The following EXOC6B variants were observed in gnomAD, a reference collection of about 807,000 sequenced individuals.
EXOC6B encodes the protein exocyst complex component 6B.
EXOC6B carries 54 observed loss-of-function variants against 113.5 expected under a neutral mutation model. The ratio of observed to expected loss-of-function variants is 0.48; its 90% CI spans 0.38 to 0.60. The LOEUF (loss-of-function observed/expected upper bound fraction) is 0.60. Among genes scored for constraint, EXOC6B ranks in the 20% least tolerant of loss-of-function variants. The probability of loss-of-function intolerance (pLI) is 0.00; values close to 1 mark genes in which losing one functional copy is unlikely to be tolerated. For missense variants in EXOC6B, 797 were observed against 977.5 expected (o/e 0.82, Z 2.46); for synonymous variants, 357 against 339.0 (o/e 1.05, Z -0.58).
At chr2:72,421,559 A>G (rs2105262579) in intron 18 of EXOC6B, among the ~76,000 whole-genome samples, 2 of 152,366 alleles carry the variant, frequency 1.3e-5, no homozygotes, top group South Asian at 4.1e-4. Context: ...TGAAAAGATT[A>G]TTTGATGACA....
intron 3 of EXOC6B, among the ~76,000 whole-genome samples, chr2:72,731,826 C>A (rs1465069713): frequency 6.6e-6 from 1 of 152,092 alleles, no homozygotes; most frequent in Non-Finnish European, 1.5e-5. Flanking sequence ...GGTCCTAAGT[C>A]ACTGATAAAA....
intron 2 of EXOC6B, among the ~76,000 whole-genome samples, chr2:72,733,440 G>C (rs887593127): frequency 1.3e-5 from 2 of 152,108 alleles, no homozygotes; most frequent in Admixed American, 6.5e-5. Flanking sequence ...AAATAAAATA[G>C]AAAGTACAAA....
chr2:72,199,744 C>T (rs780929358), intron 20 of EXOC6B, among the ~76,000 whole-genome samples: 1 of 152,046 alleles, frequency 6.6e-6, no homozygotes, highest in Admixed American at 6.6e-5. Flanking sequence ...AATTTTTGCC[C>T]GAATTCTGCC....
At chr2:72,344,918 G>C (rs1572944325) in intron 19 of EXOC6B, among the ~76,000 whole-genome samples, 1 of 151,974 alleles carries the variant, frequency 6.6e-6, no homozygotes, top group African/African-American at 2.4e-5. Context: ...AAACAAAAAA[G>C]AATGGTCGCC....
intron 18 of EXOC6B, among the ~76,000 whole-genome samples, chr2:72,412,956 CTCTT>C (rs147799343): frequency 4.6e-4 from 70 of 151,508 alleles, no homozygotes; most frequent in Middle Eastern, 3.4e-3. Context: ...CTCTCCCTCT[CTCTT>C]TCTTTCTTTC....
intron 20 of EXOC6B, among the ~76,000 whole-genome samples, chr2:72,293,335 A>G (rs933681969): frequency 6.6e-6 from 1 of 152,140 alleles, no homozygotes; most frequent in African/African-American, 2.4e-5. Flanking sequence ...ATATAGTAGA[A>G]GAATGGAGAC....
intron 11 of EXOC6B, among the ~76,000 whole-genome samples, chr2:72,506,209 A>T (rs1471880048): frequency 6.6e-6 from 1 of 152,142 alleles, no homozygotes; most frequent in Non-Finnish European, 1.5e-5. Context: ...ACGCAAAAAA[A>T]ATTAAGATGA....
At chr2:72,599,920 T>G (rs1009818081) in intron 6 of EXOC6B, among the ~76,000 whole-genome samples, 87 of 151,890 alleles carry the variant, frequency 5.7e-4, no homozygotes, top group African/African-American at 2.0e-3. Flanking sequence ...TGAAGAGGTA[T>G]TCCATGTTCA....
Position 72,255,646 on chromosome 2 carries a change from C to CT in EXOC6B, c.2197-71460dup, listed in dbSNP as rs892109122. 1.2e-4 allele frequency among the ~76,000 whole-genome samples: 18 copies of CT among 152,288 alleles called. 1 individual carries two copies. The highest frequency in any genetic ancestry group is 4.3e-4 in the African/African-American group (18 of 41,576). On this transcript the variant is annotated intron_variant, in intron 20 of 21. Transcript: ENST00000272427. ...ACTGTATTTTGGAAACAGATCATTT[C>CT]TTTTCTAAGTTCATAGTTCCACAGG...
At chr2:72,401,256 GT>G (rs1412432790) in intron 18 of EXOC6B, among the ~76,000 whole-genome samples, 1 of 150,796 alleles carries the variant, frequency 6.6e-6, no homozygotes, top group Non-Finnish European at 1.5e-5. Flanking sequence ...GAGGTCAGGA[GT>G]TTAAGACCAG....
intron 1 of EXOC6B, among the ~76,000 whole-genome samples, chr2:72,800,058 G>A (rs1489448857): frequency 8.6e-5 from 13 of 151,268 alleles, no homozygotes; most frequent in East Asian, 5.8e-4. Context: ...GAGCAAGACC[G>A]TATCTCAAAA....
At chr2:72,496,948 CATTATTATTATTATT>C (rs57708306) in intron 13 of EXOC6B, among the ~76,000 whole-genome samples, 68 of 137,836 alleles carry the variant, frequency 4.9e-4, no homozygotes, top group South Asian at 3.9e-3. Context: ...TATAAATGTA[CATTATTATTATTATT>C]ATTATTATTA....
At chr2:72,529,431 C>G (rs1701889070) in intron 8 of EXOC6B, among the ~76,000 whole-genome samples, 1 of 152,188 alleles carries the variant, frequency 6.6e-6, no homozygotes, top group African/African-American at 2.4e-5. Context: ...GTTTCCTTTT[C>G]TATATTAATT....
At position 72,179,311 on chromosome 2, in the gene EXOC6B, C is replaced by A; in HGVS notation, c.*24G>T. 6.4e-7 allele frequency: 1 copy of A among 1,570,550 alleles called. No homozygotes were observed. The highest frequency in any genetic ancestry group is 8.6e-7 in the Non-Finnish European group (1 of 1,157,152). ...CTGACACAGAGGCTGCAGCAGGTCG[C>A]CTCTGTGGGTCCGGGGTCACCCTTC... On this transcript the variant is annotated 3_prime_UTR_variant, in exon 22 of 22. Transcript: ENST00000272427.
intron 14 of EXOC6B, 151 bp downstream of exon 14, chr2:72,496,303 A>AAAAAAG: frequency 1.8e-6 from 1 of 559,788 alleles, no homozygotes; most frequent in Non-Finnish European, 3.2e-6. Context: ...ATTAAAGTGA[A>AAAAAAG]AAAAAGAAAA....
chr2:72,663,392 G>C (rs1342244709), intron 6 of EXOC6B, among the ~76,000 whole-genome samples: 2 of 152,186 alleles, frequency 1.3e-5, no homozygotes, highest in African/African-American at 4.8e-5. Flanking sequence ...TAAAGGAATA[G>C]CACAGGGAGT....
chr2:72,395,445 T>C (rs1692665166), intron 18 of EXOC6B, among the ~76,000 whole-genome samples: 1 of 152,164 alleles, frequency 6.6e-6, no homozygotes, highest in Non-Finnish European at 1.5e-5. Flanking sequence ...TAAAGTATCC[T>C]GTAGGTGCTT....
chr2:72,782,139 C>CA lies in EXOC6B; in HGVS notation c.114-40671dup, dbSNP rs374201314. The stretch of plus-strand genomic sequence containing the variant: ...TGGGCAACAGAGCGAGACTCACTCT[C>CA]AAAAAAAAAAAAAAAAGAAAAGAAA... On this transcript the variant is annotated intron_variant, in intron 1 of 21. Transcript: ENST00000272427. Among the ~76,000 whole-genome samples, 340 of 64,954 alleles carry CA rather than the reference C, an allele frequency of 5.2e-3. 2 individuals carry two copies. The highest frequency in any genetic ancestry group is 0.021 in the South Asian group (42 of 1,998). The allele number at this position is 64,954 out of a possible 152,430, so 42.6% of individuals were successfully genotyped here.
chr2:72,566,691 T>A (rs755178390), intron 7 of EXOC6B, among the ~76,000 whole-genome samples: 1 of 152,142 alleles, frequency 6.6e-6, no homozygotes, highest in Non-Finnish European at 1.5e-5. Context: ...TACATGGTAA[T>A]GTCAGTTTTT....
Sources: gnomAD v4.1 joint callset for allele counts (sites outside exome capture counted in the v4.1 genomes callset) on GRCh38, gnomAD v4.1.1 for gene constraint, MANE v1.5 for transcripts, NCBI Gene and HGNC (gene_info 2026-07-23, HGNC 2026-07-21) for gene names.